The following SOX6 variants were observed in gnomAD, a reference collection of about 807,000 sequenced individuals.
SOX6 encodes the protein SRY-box transcription factor 6, also known as transcription factor SOX-6.
SOX6 carries 11 observed loss-of-function variants against 97.8 expected under a neutral mutation model. That is an observed-to-expected ratio of 0.11 (90% confidence interval 0.07 to 0.19). The LOEUF (loss-of-function observed/expected upper bound fraction) is 0.19, where lower values mean the gene tolerates loss of function less well. Among genes scored for constraint, SOX6 ranks in the 10% least tolerant of loss-of-function variants. SOX6 has a pLI of 1.00. For synonymous variants in SOX6, 360 were observed against 371.4 expected, an observed-to-expected ratio of 0.97 and a Z score of 0.35; for missense variants, 810 against 1,039.5, an observed-to-expected ratio of 0.78 and a Z score of 3.04.
chr11:16,138,879 CTCA>C (rs1850050843), intron 6 of SOX6, among the ~76,000 whole-genome samples: 1 of 152,120 alleles, frequency 6.6e-6, no homozygotes, highest in African/African-American at 2.4e-5. Context: ...AGGACATGAA[CTCA>C]TCATTTTTTA....
intron 9 of SOX6, among the ~76,000 whole-genome samples, chr11:16,075,769 T>A (rs1227831399): frequency 6.6e-6 from 1 of 152,096 alleles, no homozygotes; most frequent in African/African-American, 2.4e-5. Context: ...CAAACCTGCA[T>A]GTTGTACACA....
At chr11:16,051,544 A>G (rs1028841557) in intron 10 of SOX6, among the ~76,000 whole-genome samples, 1 of 152,174 alleles carries the variant, frequency 6.6e-6, no homozygotes, top group African/African-American at 2.4e-5. Context: ...CTCAAGCAAC[A>G]TGGTTACATC....
At chr11:16,446,512 C>G (rs1859614797) in intron 1 of SOX6, among the ~76,000 whole-genome samples, 1 of 151,960 alleles carries the variant, frequency 6.6e-6, no homozygotes. Context: ...ATCTGATAGC[C>G]CCACACCTTG....
At chr11:16,725,005 T>C (rs927887600) in intron 2 of SOX6, among the ~76,000 whole-genome samples, 10 of 152,160 alleles carry the variant, frequency 6.6e-5, no homozygotes, top group African/African-American at 1.9e-4. Context: ...GCAATTCCAC[T>C]CCTAGACATA....
chr11:16,280,363 A>C (rs1408420709), intron 3 of SOX6, among the ~76,000 whole-genome samples: 1 of 129,732 alleles, frequency 7.7e-6, no homozygotes, highest in Non-Finnish European at 1.6e-5. Flanking sequence ...GAAAGTTATA[A>C]TACTTTATTT....
intron 13 of SOX6, among the ~76,000 whole-genome samples, chr11:15,994,903 C>T (rs1201949131): frequency 6.6e-6 from 1 of 152,096 alleles, no homozygotes; most frequent in Non-Finnish European, 1.5e-5. Context: ...CAAAATTAAA[C>T]AGAAACTGGA....
At chr11:16,693,792 AT>A (rs1334231545) in intron 3 of SOX6, among the ~76,000 whole-genome samples, 1 of 152,166 alleles carries the variant, frequency 6.6e-6, no homozygotes, top group Non-Finnish European at 1.5e-5. Context: ...CTAAGTCCAT[AT>A]TCTGATAGTA....
intron 6 of SOX6, among the ~76,000 whole-genome samples, chr11:16,159,408 G>A (rs760860986): frequency 6.6e-6 from 1 of 151,954 alleles, no homozygotes; most frequent in Non-Finnish European, 1.5e-5. Context: ...AAACAGTTAC[G>A]TGAAAATAAA....
intron 4 of SOX6, among the ~76,000 whole-genome samples, chr11:16,202,144 T>A (rs1851958974): frequency 1.3e-5 from 2 of 152,148 alleles, no homozygotes; most frequent in African/African-American, 4.8e-5. Context: ...ATCTAAATTT[T>A]ACAGCACTAT....
intron 15 of SOX6, among the ~76,000 whole-genome samples, chr11:15,983,221 G>A (rs1222993844): frequency 6.6e-6 from 1 of 151,920 alleles, no homozygotes; most frequent in African/African-American, 2.4e-5. Context: ...TTATTATCTT[G>A]AATAATCCAG....
intron 12 of SOX6, among the ~76,000 whole-genome samples, chr11:16,035,968 T>G (rs1027855549): frequency 2.0e-5 from 3 of 152,110 alleles, no homozygotes; most frequent in Non-Finnish European, 2.9e-5. Context: ...CCAGTCTCAG[T>G]AACACCCTGT....
intron 6 of SOX6, among the ~76,000 whole-genome samples, chr11:16,134,149 ACT>A (rs1381048706): frequency 4.6e-5 from 7 of 152,310 alleles, no homozygotes; most frequent in African/African-American, 1.7e-4. Flanking sequence ...TGAGGTAAAT[ACT>A]GTTATTTTCC....
Position 16,605,669 on chromosome 11 carries a change from T to A in SOX6, n.609+6412A>T, listed in dbSNP as rs1169465818. On this transcript the variant is annotated intron_variant and non_coding_transcript_variant, in intron 4 of 5. Transcript: ENST00000524520. This position sits in a 1 kb window ranked among gnomAD's most constrained non-coding sequence, Gnocchi z 5.3. The stretch of plus-strand genomic sequence containing the variant: ...CGAGAGAGCGGCGGAGATCCTCGAC[T>A]CCCGCCCGCCCTCAACCAGTGTCAA... Among the ~76,000 whole-genome samples the A allele has an allele frequency of 6.6e-6, 1 of 151,682 alleles. No homozygotes were observed. Among genetic ancestry groups the A allele is most frequent in the African/African-American group, 2.4e-5 (1 of 41,272 alleles).
intron 2 of SOX6, among the ~76,000 whole-genome samples, chr11:16,734,303 T>C (rs1170904627): frequency 6.6e-6 from 1 of 152,184 alleles, no homozygotes; most frequent in Non-Finnish European, 1.5e-5. Context: ...AGATTCTGTG[T>C]TAGACCCTAG....
At chr11:15,985,948 C>A (rs571632970) in intron 15 of SOX6, among the ~76,000 whole-genome samples, 1 of 152,284 alleles carries the variant, frequency 6.6e-6, no homozygotes, top group East Asian at 1.9e-4. Flanking sequence ...CACTGAGCAT[C>A]TTAAATTGGC....
intron 4 of SOX6, among the ~76,000 whole-genome samples, chr11:16,584,221 T>C (rs375473896): frequency 6.6e-6 from 1 of 152,198 alleles, no homozygotes; most frequent in Non-Finnish European, 1.5e-5. Context: ...TTAGCATGCA[T>C]TGGACGATCA....
At chr11:16,457,411 A>C (rs1250368068) in intron 1 of SOX6, among the ~76,000 whole-genome samples, 1 of 152,104 alleles carries the variant, frequency 6.6e-6, no homozygotes, top group Non-Finnish European at 1.5e-5. Flanking sequence ...GTCCTTCTTG[A>C]AGCATTTTTC....
chr11:16,007,034 C>T (rs1854575984), intron 13 of SOX6, among the ~76,000 whole-genome samples: 1 of 149,548 alleles, frequency 6.7e-6, no homozygotes. Flanking sequence ...CAGTGATAGA[C>T]AAGCAGAACC....
At chr11:16,608,525 G>T (rs531193393) in intron 4 of SOX6, among the ~76,000 whole-genome samples, 1 of 151,430 alleles carries the variant, frequency 6.6e-6, no homozygotes, top group African/African-American at 2.4e-5. Context: ...CAGAGATGAT[G>T]AAAACACACC....
Sources: gnomAD v4.1 joint callset for allele counts (sites outside exome capture counted in the v4.1 genomes callset) on GRCh38, gnomAD v4.1.1 for gene constraint, Gnocchi (gnomAD v3.1) non-coding constraint, MANE v1.5 for transcripts, NCBI Gene and HGNC (gene_info 2026-07-23, HGNC 2026-07-21) for gene names.